PPIL3: variants seen among roughly 807,000 people sequenced by gnomAD.
PPIL3 encodes peptidylprolyl isomerase like 3.
PPIL3 carries 13 observed loss-of-function variants against 20.9 expected under a neutral mutation model. The ratio of observed to expected loss-of-function variants is 0.62; its 90% CI spans 0.40 to 0.99. The LOEUF (loss-of-function observed/expected upper bound fraction) is 0.99. Among genes scored for constraint, PPIL3 ranks in the 50% least tolerant of loss-of-function variants. The pLI is 0.00. For missense variants in PPIL3, 170 were observed against 195.2 expected, an observed-to-expected ratio of 0.87 and a Z score of 0.77; for synonymous variants, 71 against 64.4, an observed-to-expected ratio of 1.10 and a Z score of -0.49.
Position 200,881,428 on chromosome 2 carries a change from T to A in PPIL3, c.233A>T (p.Tyr78Phe). 1 of 1,611,918 alleles carries A rather than the reference T, an allele frequency of 6.2e-7. No homozygotes were observed. Among genetic ancestry groups the A allele is most frequent in the Non-Finnish European group, 8.5e-7 (1 of 1,178,772 alleles). The change falls in exon 5 of 7, where the codon TAT becomes TTT. Residue 78 changes from tyrosine to phenylalanine, a missense_variant. Transcript: ENST00000392283. Reference sequence around the variant, plus strand: ...AAAGCATTGAGGATTTACCTTAAGATATTCACTGTATTCATCCTCAAACTT... The same window carrying A: ...AAAGCATTGAGGATTTACCTTAAGAAATTCACTGTATTCATCCTCAAACTT... ...GKKFEDEYSEYLKHNVRGVVS... is the reference protein window; with the variant it reads ...GKKFEDEYSEFLKHNVRGVVS...
chr2:200,883,166 C>G (rs2039801526), intron 3 of PPIL3, among the ~76,000 whole-genome samples: 1 of 133,750 alleles, frequency 7.5e-6, no homozygotes, highest in African/African-American at 2.9e-5. Flanking sequence ...GTTGCCCAGG[C>G]TGGTCTTGAA....
chr2:200,879,704 C>T (rs1298939421), intron 5 of PPIL3, among the ~76,000 whole-genome samples: 1 of 152,118 alleles, frequency 6.6e-6, no homozygotes, highest in Non-Finnish European at 1.5e-5. Flanking sequence ...CACGGTGGTG[C>T]ACTCCTGTGG....
chr2:200,888,910 A>G (rs1438884880), intron 1 of PPIL3, 46 bp downstream of exon 1: 2 of 471,182 alleles, frequency 4.2e-6, no homozygotes, highest in Admixed American at 2.3e-5. Flanking sequence ...GAACTCAGCA[A>G]GCATTCGAAT....
At chr2:200,875,061 T>C (rs1005989571) in intron 6 of PPIL3, among the ~76,000 whole-genome samples, 1 of 152,172 alleles carries the variant, frequency 6.6e-6, no homozygotes, top group Non-Finnish European at 1.5e-5. Flanking sequence ...AACAGACAAA[T>C]TGACTTCCCA....
At position 200,876,954 on chromosome 2, in the gene PPIL3, C is replaced by T. The variant is rs1182914825; in HGVS notation, c.324G>A (p.Gln108=). The T allele has an allele frequency of 2.5e-6, 4 of 1,613,254 alleles. No homozygotes were observed. Among genetic ancestry groups the T allele is most frequent in the Non-Finnish European group, 3.4e-6 (4 of 1,179,324 alleles). Residue 108 remains glutamine, a synonymous_variant, in exon 6 of 7, where the codon CAG becomes CAA. Coordinates refer to ENST00000392283, the MANE Select transcript of PPIL3 (RefSeq NM_130906.3). ...GSQFFITYGK[Q]PHLDMKYTVF... ...CGGTGTATTTCATGTCCAAATGTGG[C>T]TGTTTGCCATAGGTGATGAAGAACT...
At position 200,881,850 on chromosome 2, in the gene PPIL3, C is replaced by T. The variant is rs546745680; in HGVS notation, c.173-362G>A. ...ATTGTTCACATTTTAGGGGTAGGTG[C>T]TAATAATTTCTGCTTTAAAATTGCA... On this transcript the variant is annotated intron_variant, in intron 4 of 6. Transcript: ENST00000392283. 3.0e-5 allele frequency: 7 copies of T among 232,068 alleles called. No individual in the cohort carries two copies. The South Asian group carries it at 5.8e-4, about 19-fold the overall frequency. 14.4% of individuals were successfully genotyped at this position (232,068 alleles called of 1,614,324 possible). A position where few individuals can be genotyped will look rare whatever the true frequency, so the allele number is the denominator to read the frequency against.
chr2:200,877,043 A>T lies in PPIL3; in HGVS notation c.241-6T>A. On this transcript the variant is annotated splice_polypyrimidine_tract_variant and splice_region_variant and intron_variant, in intron 5 of 6. Coordinates refer to ENST00000392283, the MANE Select transcript of PPIL3 (RefSeq NM_130906.3). ...ACAACACCTCTAACATTGTGCTGAAAAAGACACATCAAAGTATTAACTGTG... is the reference window on the plus strand; with the variant it reads ...ACAACACCTCTAACATTGTGCTGAATAAGACACATCAAAGTATTAACTGTG... 1 of 1,540,442 alleles carries T rather than the reference A, an allele frequency of 6.5e-7. No individual in the cohort carries two copies. Among genetic ancestry groups the T allele is most frequent in the Non-Finnish European group, 9.0e-7 (1 of 1,113,052 alleles).
chr2:200,877,116 C>T (rs1357384800), intron 5 of PPIL3, 79 bp from the exon 6 acceptor site: 2 of 953,016 alleles, frequency 2.1e-6, no homozygotes, highest in Non-Finnish European at 3.4e-6. Flanking sequence ...GACAGGCACA[C>T]CTTTGTTTTC....
chr2:200,877,152 G>C (rs1199013581), intron 5 of PPIL3, 115 bp from the exon 6 acceptor site: 2 of 705,938 alleles, frequency 2.8e-6, no homozygotes, highest in African/African-American at 3.6e-5. Context: ...TTGAGATTGG[G>C]GTCTCACTAT....
At chr2:200,889,200 C>A, upstream of PPIL3, 1 of 377,388 alleles carries the variant, frequency 2.6e-6, no homozygotes. Context: ...AAAGGGAGCT[C>A]TACTAATAAT....
chr2:200,883,684 C>T (rs2039821713), intron 3 of PPIL3, among the ~76,000 whole-genome samples: 1 of 152,136 alleles, frequency 6.6e-6, no homozygotes, highest in Admixed American at 6.6e-5. Context: ...AAAATATTGG[C>T]TCCATGAGGG....
At position 200,885,756 on chromosome 2, in the gene PPIL3, G is replaced by C. The variant is rs145500354; in HGVS notation, c.20C>G (p.Thr7Arg). 1 of 1,589,908 alleles carries C rather than the reference G, an allele frequency of 6.3e-7. No homozygotes were observed. Among genetic ancestry groups the C allele is most frequent in the East Asian group, 2.2e-5 (1 of 44,500 alleles). Residue 7 changes from threonine to arginine, a missense_variant, in exon 3 of 7, where the codon ACA becomes AGA. Thr to Arg is a moderately conservative substitution (Grantham distance 71, BLOSUM62 -1). Coordinates refer to ENST00000392283, the MANE Select transcript of PPIL3 (RefSeq NM_130906.3). Reference protein sequence around the residue: MSVTLHTDVGDIKIEVF... With the variant: MSVTLHRDVGDIKIEVF... ...TTCAATTTTAATATCACCTACATCT[G>C]TATGCAGTGTCACAGACTAAAAAGG...
intron 3 of PPIL3, 59 bp from the exon 4 acceptor site, chr2:200,882,494 A>G: frequency 9.7e-7 from 1 of 1,035,038 alleles, no homozygotes; most frequent in Non-Finnish European, 1.5e-6. Context: ...AAGACAAAAA[A>G]CCAATCATAT....
rs62189334 is a variant in PPIL3, at chr2:200,878,823, A to G, written c.241-1786T>C. On this transcript the variant is annotated intron_variant, in intron 5 of 6. Transcript: ENST00000392283. ...CATTGTTACATTTCTAAGGTTATAC[A>G]TGTACATATAGCCATAGTTTATTAC... 0.023 allele frequency among the ~76,000 whole-genome samples: 3,510 copies of G among 152,308 alleles called. 262 individuals are homozygous for G. In the East Asian group the frequency reaches 0.25, roughly 11 times the overall value.
At chr2:200,888,371 G>A (rs942729213) in intron 1 of PPIL3, 1 of 151,944 alleles carries the variant, frequency 6.6e-6, no homozygotes, top group Non-Finnish European at 1.5e-5. Flanking sequence ...TTCAGCCCTA[G>A]GACATTCCTA....
Position 200,887,643 on chromosome 2 carries a change from CT to C in PPIL3, c.-29del. 6.3e-7 allele frequency: 1 copy of C among 1,594,422 alleles called. No homozygotes were observed. The highest frequency in any genetic ancestry group is 8.6e-7 in the Non-Finnish European group (1 of 1,168,948). On this transcript the variant is annotated 5_prime_UTR_variant, in exon 2 of 7. Transcript: ENST00000392283. ...TTCCTCTTAGTGGTTTCAGGAAGGA[CT>C]ACGTGATTTCTCAGTCTTACAGCGA...
chr2:200,876,732 AG>A (rs2039531799), intron 6 of PPIL3, among the ~76,000 whole-genome samples, 186 bp downstream of exon 6: 1 of 152,072 alleles, frequency 6.6e-6, no homozygotes, highest in East Asian at 1.9e-4. Flanking sequence ...CACATTGGCC[AG>A]GCTGGTCTCG....
intron 2 of PPIL3, among the ~76,000 whole-genome samples, chr2:200,886,220 G>A (rs1393914482): frequency 1.3e-5 from 2 of 152,106 alleles, no homozygotes; most frequent in South Asian, 2.1e-4. Flanking sequence ...CTGAGAAATA[G>A]GGTTAAAAAA....
chr2:200,871,687 C>G (rs777030481), intron 6 of PPIL3, among the ~76,000 whole-genome samples, 166 bp from the exon 7 acceptor site: 4 of 152,138 alleles, frequency 2.6e-5, no homozygotes, highest in Non-Finnish European at 4.4e-5. Flanking sequence ...AGATATGGAT[C>G]AAAATTCAGA....
Sources: gnomAD v4.1 joint callset for allele counts (sites outside exome capture counted in the v4.1 genomes callset) on GRCh38, gnomAD v4.1.1 for gene constraint, MANE v1.5 for transcripts, NCBI Gene and HGNC (gene_info 2026-07-23, HGNC 2026-07-21) for gene names.